Variants in CDH13 observed in about 807,000 individuals in gnomAD.
CDH13 encodes the protein cadherin-13.
Under a neutral mutation model 63.8 loss-of-function variants are expected in CDH13, and 24 were observed. The ratio of observed to expected loss-of-function variants is 0.38; its 90% CI spans 0.27 to 0.53. The LOEUF is 0.53. Among genes scored for constraint, CDH13 ranks in the 20% least tolerant of loss-of-function variants. CDH13 has a pLI of 0.85. For missense variants in CDH13, 1,049 were observed against 903.1 expected (o/e 1.16, Z -2.07); for synonymous variants, 503 against 355.3 (o/e 1.42, Z -4.67).
intron 5 of CDH13, among the ~76,000 whole-genome samples, chr16:83,236,792 A>G (rs1453143970): frequency 6.6e-6 from 1 of 152,146 alleles, no homozygotes; most frequent in Non-Finnish European, 1.5e-5. Flanking sequence ...AGCCATAGAA[A>G]CACAAGTTAG....
At chr16:83,555,943 G>GACAATTGGAATAATTGTCTAT (rs2075591889) in intron 7 of CDH13, among the ~76,000 whole-genome samples, 1 of 152,208 alleles carries the variant, frequency 6.6e-6, no homozygotes, top group African/African-American at 2.4e-5. Flanking sequence ...GGAATAATGG[G>GACAATTGGAATAATTGTCTAT]CTCATTAGAG....
At chr16:83,366,289 A>G (rs937761089) in intron 6 of CDH13, among the ~76,000 whole-genome samples, 1 of 152,230 alleles carries the variant, frequency 6.6e-6, no homozygotes, top group Non-Finnish European at 1.5e-5. Context: ...AACGGAAGCA[A>G]TCTCAGGGAC....
At chr16:83,536,759 C>A (rs567388747) in intron 7 of CDH13, among the ~76,000 whole-genome samples, 5 of 152,054 alleles carry the variant, frequency 3.3e-5, no homozygotes, top group African/African-American at 1.2e-4. Flanking sequence ...CAAGAGACAG[C>A]AATTAGGTGG....
At position 83,138,672 on chromosome 16, in the gene CDH13, T is replaced by A. The variant is rs188215843; in HGVS notation, c.483+13171T>A. On this transcript the variant is annotated intron_variant, in intron 4 of 13. Transcript: ENST00000567109. ...TGGAATTTGGACCTTTTTCTACGGATGACTAAGTGTTATACATTGGGGAAT... is the reference window on the plus strand; with the variant it reads ...TGGAATTTGGACCTTTTTCTACGGAAGACTAAGTGTTATACATTGGGGAAT... Among the ~76,000 whole-genome samples the A allele has an allele frequency of 2.0e-5, 3 of 152,312 alleles. No homozygotes were observed. In the East Asian group the frequency reaches 5.8e-4, roughly 29 times the overall value.
At chr16:83,374,047 G>C (rs2091419126) in intron 6 of CDH13, among the ~76,000 whole-genome samples, 1 of 152,228 alleles carries the variant, frequency 6.6e-6, no homozygotes, top group Non-Finnish European at 1.5e-5. Context: ...GGAGGCAGTG[G>C]AGGGTACTAA....
At chr16:82,789,984 G>A (rs554525087) in intron 1 of CDH13, among the ~76,000 whole-genome samples, 6 of 152,204 alleles carry the variant, frequency 3.9e-5, no homozygotes, top group East Asian at 1.9e-4. Flanking sequence ...GTCTATTGGC[G>A]AGATTTCTTC....
At chr16:83,403,005 C>G (rs2091990655) in intron 6 of CDH13, among the ~76,000 whole-genome samples, 1 of 152,170 alleles carries the variant, frequency 6.6e-6, no homozygotes, top group Non-Finnish European at 1.5e-5. Context: ...CTGAGCTCCC[C>G]TAGCCACCCT....
intron 5 of CDH13, among the ~76,000 whole-genome samples, chr16:83,299,325 A>G (rs1376930750): frequency 2.0e-5 from 3 of 151,172 alleles, no homozygotes; most frequent in Non-Finnish European, 4.4e-5. Flanking sequence ...TCCCCAGAAC[A>G]TTATAAGGAA....
chr16:82,856,844 A>C (rs1490973463), intron 1 of CDH13, among the ~76,000 whole-genome samples: 2 of 152,104 alleles, frequency 1.3e-5, no homozygotes, highest in Non-Finnish European at 2.9e-5. Context: ...GGACTTTGGC[A>C]CTCAATCCCA....
At position 83,413,095 on chromosome 16, in the gene CDH13, G is replaced by T. The variant is rs1224918877; in HGVS notation, c.781+68089G>T. Among the ~76,000 whole-genome samples the T allele has an allele frequency of 2.0e-5, 3 of 152,152 alleles. No individual in the cohort carries two copies. The East Asian group carries it at 5.8e-4, about 29-fold the overall frequency. ...TAATACATCATAGCATCAAACAGTG[G>T]TAATGCCATTTCACAGTCTGTATTT... On this transcript the variant is annotated intron_variant, in intron 6 of 13. Coordinates refer to ENST00000567109, the MANE Select transcript of CDH13 (RefSeq NM_001257.5).
chr16:83,052,138 A>T (rs1334531686), intron 3 of CDH13, among the ~76,000 whole-genome samples: 1 of 152,208 alleles, frequency 6.6e-6, no homozygotes, highest in Non-Finnish European at 1.5e-5. Flanking sequence ...CCATGTCCAT[A>T]CGACTTAATA....
At chr16:82,871,090 G>C (rs138214252) in intron 2 of CDH13, among the ~76,000 whole-genome samples, 2 of 152,186 alleles carry the variant, frequency 1.3e-5, no homozygotes, top group East Asian at 1.9e-4. Context: ...TCTTGTTTCT[G>C]TCATATCAGT....
chr16:83,279,842 A>AT (rs35396123), intron 5 of CDH13, among the ~76,000 whole-genome samples: 59,206 of 149,836 alleles, frequency 0.4, 11,517 homozygotes, highest in Middle Eastern at 0.49. Context: ...GAGTCACATG[A>AT]TTTTTTTTTT....
intron 7 of CDH13, among the ~76,000 whole-genome samples, chr16:83,575,903 A>G (rs1426586391): frequency 6.6e-6 from 1 of 152,182 alleles, no homozygotes; most frequent in Non-Finnish European, 1.5e-5. Flanking sequence ...AGCACATAGT[A>G]CTCTTTATTG....
At chr16:83,107,918 C>A (rs143897127) in intron 3 of CDH13, among the ~76,000 whole-genome samples, 153 of 152,048 alleles carry the variant, frequency 1.0e-3, no homozygotes, top group African/African-American at 3.3e-3. Flanking sequence ...CTGCTGGATT[C>A]AAGCAATTCC....
chr16:82,920,232 C>T (rs2042112295), intron 2 of CDH13, among the ~76,000 whole-genome samples: 1 of 152,180 alleles, frequency 6.6e-6, no homozygotes, highest in Admixed American at 6.5e-5. Context: ...TGGCTCCATT[C>T]CCCATGCGTC....
chr16:83,154,294 C>A, intron 4 of CDH13, among the ~76,000 whole-genome samples: 1 of 152,134 alleles, frequency 6.6e-6, no homozygotes, highest in Non-Finnish European at 1.5e-5. Flanking sequence ...CAGTGGCTCA[C>A]ATCTGTAATC....
chr16:82,791,246 A>G (rs1483048013), intron 1 of CDH13, among the ~76,000 whole-genome samples: 1 of 151,996 alleles, frequency 6.6e-6, no homozygotes, highest in Non-Finnish European at 1.5e-5. Flanking sequence ...CCAAAAAAAA[A>G]AAAAAAAAAA....
chr16:83,662,678 A>G (rs371783997), intron 8 of CDH13, among the ~76,000 whole-genome samples: 1 of 152,218 alleles, frequency 6.6e-6, no homozygotes, highest in East Asian at 1.9e-4. Flanking sequence ...GATGTGAAAA[A>G]GAAAAAATAC....
Sources: allele counts gnomAD v4.1 joint callset (sites outside exome capture counted in the v4.1 genomes callset), GRCh38; gene constraint gnomAD v4.1.1; transcripts MANE v1.5; gene names NCBI Gene and HGNC (gene_info 2026-07-23, HGNC 2026-07-21).